The following CBFA2T3 variants were observed in gnomAD, a reference collection of about 807,000 sequenced individuals.
CBFA2T3 encodes the protein transcriptional corepressor CBFA2T3.
A neutral mutation model predicts 58.6 loss-of-function variants in CBFA2T3; 31 were observed. That is an observed-to-expected ratio of 0.53 (90% CI 0.40 to 0.71). The LOEUF (loss-of-function observed/expected upper bound fraction) is 0.71. Ranked by LOEUF, CBFA2T3 falls within the 30% of genes least tolerant of loss-of-function variation. CBFA2T3 has a pLI of 0.00. For synonymous variants in CBFA2T3, 531 were observed against 421.9 expected, an observed-to-expected ratio of 1.26 and a Z score of -3.17; for missense variants, 1,076 against 963.1, an observed-to-expected ratio of 1.12 and a Z score of -1.55.
intron 1 of CBFA2T3, among the ~76,000 whole-genome samples, chr16:88,912,080 G>GC (rs1385653097): frequency 2.0e-5 from 3 of 152,254 alleles, no homozygotes; most frequent in East Asian, 3.9e-4. Flanking sequence ...CTCCCTCCGG[G>GC]CCCCGGCCCA....
At chr16:88,974,769 C>T (rs981033055) in intron 1 of CBFA2T3, among the ~76,000 whole-genome samples, 1 of 152,084 alleles carries the variant, frequency 6.6e-6, no homozygotes, top group Admixed American at 6.5e-5. Flanking sequence ...AGTTCCCATG[C>T]CCCCCATGGC....
intron 3 of CBFA2T3, 83 bp from the exon 4 acceptor site, chr16:88,892,568 G>T: frequency 1.4e-6 from 2 of 1,447,086 alleles, no homozygotes; most frequent in South Asian, 1.1e-5. Context: ...GGGAAGCAGC[G>T]ACTAAGGTGA....
In CBFA2T3 at chr16:88,924,109, C is replaced by T. The variant is rs150405260; in HGVS notation, c.152-22453G>A. Reference sequence around the variant, plus strand: ...AAGCAAGGAGCCAGGGTGGGAGGGCCGCGCCTGCTGGGCTAAAGCAAGGAC... The same window carrying T: ...AAGCAAGGAGCCAGGGTGGGAGGGCTGCGCCTGCTGGGCTAAAGCAAGGAC... On this transcript the variant is annotated intron_variant, in intron 1 of 11. Coordinates refer to ENST00000268679, the MANE Select transcript of CBFA2T3 (RefSeq NM_005187.6). Among the ~76,000 whole-genome samples, 238 of 151,790 alleles carry T rather than the reference C, an allele frequency of 1.6e-3. 1 individual carries two copies. The highest frequency in any genetic ancestry group is 5.5e-3 in the African/African-American group (226 of 41,292).
chr16:88,977,117 GC>G lies in CBFA2T3; in HGVS notation c.-311del. ...GCTGTGTCCCCGTGATAATGCCGGG[GC>G]CGGAGGCCTGCAGCTGCGCCCGCCA... On this transcript the variant is annotated 5_prime_UTR_variant, in exon 1 of 12. The change creates a premature stop within an existing upstream ORF in the 5' untranslated region. Transcript: ENST00000268679. 3.0e-6 allele frequency: 1 copy of G among 333,498 alleles called. No homozygotes were observed. Among genetic ancestry groups the G allele is most frequent in the Non-Finnish European group, 5.5e-6 (1 of 180,544 alleles). 20.7% of individuals were successfully genotyped at this position (333,498 alleles called of 1,614,324 possible). A position where few individuals can be genotyped will look rare whatever the true frequency, so the allele number is the denominator to read the frequency against.
At chr16:88,905,458 G>A (rs1414208292) in intron 1 of CBFA2T3, among the ~76,000 whole-genome samples, 1 of 151,916 alleles carries the variant, frequency 6.6e-6, no homozygotes, top group East Asian at 1.9e-4. Context: ...ACCCCACACT[G>A]GGCGGTCCTG....
intron 1 of CBFA2T3, among the ~76,000 whole-genome samples, chr16:88,971,117 C>CTT (rs200158469): frequency 6.6e-6 from 1 of 151,016 alleles, no homozygotes; most frequent in South Asian, 2.1e-4. Context: ...CTCAATTTTC[C>CTT]TTTTTTTTTA....
intron 1 of CBFA2T3, among the ~76,000 whole-genome samples, chr16:88,960,352 G>A (rs1392140978): frequency 6.6e-6 from 1 of 152,208 alleles, no homozygotes; most frequent in African/African-American, 2.4e-5. Context: ...CGGGGTTATG[G>A]GTGCAGAGGC....
intron 5 of CBFA2T3, among the ~76,000 whole-genome samples, chr16:88,890,591 G>A (rs1220920730): frequency 1.3e-5 from 2 of 152,250 alleles, no homozygotes; most frequent in African/African-American, 2.4e-5. Context: ...GAGATGTGCA[G>A]CCGTCTTGGG....
intron 1 of CBFA2T3, among the ~76,000 whole-genome samples, chr16:88,966,345 G>T (rs553749437): frequency 3.3e-5 from 5 of 152,302 alleles, no homozygotes; most frequent in African/African-American, 9.6e-5. Flanking sequence ...GGGGTAGGGG[G>T]GTGGCAGCCC....
In CBFA2T3 at chr16:88,885,319, G is replaced by C; in HGVS notation, c.894-50C>G. 1 of 1,337,564 alleles carries C rather than the reference G, an allele frequency of 7.5e-7. No individual in the cohort carries two copies. The highest frequency in any genetic ancestry group is 1.5e-5 in the African/African-American group (1 of 67,668). 82.9% of individuals were successfully genotyped at this position (1,337,564 alleles called of 1,614,324 possible). ...AGGGCAGTGGACATAGGATGAACCG[G>C]GGACAGAGGTGCAGGTGGGGTGAGA... On this transcript the variant is annotated intron_variant, in intron 6 of 11. Coordinates refer to ENST00000268679, the MANE Select transcript of CBFA2T3 (RefSeq NM_005187.6). The surrounding 1 kb of genome is among the most constrained non-coding windows in gnomAD (Gnocchi z 5.3).
chr16:88,889,668 G>A (rs868533968), intron 5 of CBFA2T3, among the ~76,000 whole-genome samples: 1 of 152,020 alleles, frequency 6.6e-6, no homozygotes, highest in Non-Finnish European at 1.5e-5. Flanking sequence ...GTCTGTGAGA[G>A]ACCTTCCTGA....
intron 1 of CBFA2T3, among the ~76,000 whole-genome samples, chr16:88,965,003 T>C (rs1391793569): frequency 1.3e-5 from 2 of 148,544 alleles, no homozygotes; most frequent in African/African-American, 5.0e-5. Flanking sequence ...TATTTATCCA[T>C]CTATCCATCC....
At chr16:88,916,309 CGT>C (rs369849501) in intron 1 of CBFA2T3, among the ~76,000 whole-genome samples, 1,417 of 116,058 alleles carry the variant, frequency 0.012, 22 homozygotes, top group African/African-American at 0.043. Context: ...TGGGTGTATG[CGT>C]GTGTATTCAT....
At position 88,889,510 on chromosome 16, in the gene CBFA2T3, C is replaced by T. The variant is rs181636274; in HGVS notation, c.711+2372G>A. Among the ~76,000 whole-genome samples, 233 of 151,990 alleles carry T rather than the reference C, an allele frequency of 1.5e-3. 2 individuals carry two copies. Among genetic ancestry groups the T allele is most frequent in the African/African-American group, 5.1e-3 (212 of 41,440 alleles). ...GTCTGACCCTGTAAGTGCCCTGGGACGACCAGGGCGTTTGGAATTTGACAG... is the reference window on the plus strand; with the variant it reads ...GTCTGACCCTGTAAGTGCCCTGGGATGACCAGGGCGTTTGGAATTTGACAG... On this transcript the variant is annotated intron_variant, in intron 5 of 11. Coordinates refer to ENST00000268679, the MANE Select transcript of CBFA2T3 (RefSeq NM_005187.6).
chr16:88,894,649 C>T (rs117683343), intron 3 of CBFA2T3, among the ~76,000 whole-genome samples: 2,224 of 152,336 alleles, frequency 0.015, 26 homozygotes, highest in Non-Finnish European at 0.024. Flanking sequence ...TGTACACGCT[C>T]GTCTCTCTTG....
Position 88,875,739 on chromosome 16 carries a change from G to C in CBFA2T3, c.*1237C>G, listed in dbSNP as rs1222413949. 2 of 233,556 alleles carry C rather than the reference G, an allele frequency of 8.6e-6. No individual in the cohort carries two copies. The highest frequency in any genetic ancestry group is 1.7e-5 in the Non-Finnish European group (2 of 118,046). 14.5% of individuals were successfully genotyped at this position (233,556 alleles called of 1,614,324 possible). On this transcript the variant is annotated 3_prime_UTR_variant, in exon 12 of 12. Transcript: ENST00000268679. ...GGCTCCGCATGCTCGAAAAGCAGTC[G>C]AGAATCAACCCAAAAGATTGTCACA... is the stretch of plus-strand genomic sequence containing the variant.
At chr16:88,969,863 T>C (rs1324003850) in intron 1 of CBFA2T3, among the ~76,000 whole-genome samples, 1 of 152,050 alleles carries the variant, frequency 6.6e-6, no homozygotes. Flanking sequence ...CCCCCGATCT[T>C]CTGCAAGGCT....
At chr16:88,939,186 A>G (rs879513714) in intron 1 of CBFA2T3, 1 of 137,726 alleles carries the variant, frequency 7.3e-6, no homozygotes, top group Admixed American at 7.2e-5. Flanking sequence ...CGGCAGGGGA[A>G]GAGCTCAGGG....
intron 3 of CBFA2T3, among the ~76,000 whole-genome samples, chr16:88,896,657 G>A (rs996409859): frequency 2.6e-5 from 4 of 152,206 alleles, no homozygotes; most frequent in Non-Finnish European, 5.9e-5. Flanking sequence ...GAGATGGCCC[G>A]TCACCATGGG....
Sources: allele counts gnomAD v4.1 joint callset (sites outside exome capture counted in the v4.1 genomes callset), GRCh38; gene constraint gnomAD v4.1.1; non-coding constraint Gnocchi (gnomAD v3.1); transcripts MANE v1.5; gene names NCBI Gene and HGNC (gene_info 2026-07-23, HGNC 2026-07-21).